The following SLCO5A1 variants were observed in gnomAD, a reference collection of about 807,000 sequenced individuals.
The protein encoded by SLCO5A1 is solute carrier organic anion transporter family member 5A1, also known as organic anion transporter polypeptide-related protein 4.
In SLCO5A1, 39 loss-of-function variants were observed where a neutral mutation model predicts 65.1. The observed-to-expected ratio is 0.60, with a 90% CI of 0.46 to 0.78. The LOEUF (loss-of-function observed/expected upper bound fraction) is 0.78. Ranked by LOEUF, SLCO5A1 falls within the 30% of genes least tolerant of loss-of-function variation. The probability of loss-of-function intolerance (pLI) is 0.00; values close to 1 mark genes in which losing one functional copy is unlikely to be tolerated. For synonymous variants in SLCO5A1, 438 were observed against 415.7 expected, an observed-to-expected ratio of 1.05 and a Z score of -0.65; for missense variants, 1,029 against 1,069.4, an observed-to-expected ratio of 0.96 and a Z score of 0.53.
At chr8:69,825,341 C>T (rs1221558962) in intron 2 of SLCO5A1, among the ~76,000 whole-genome samples, 1 of 152,166 alleles carries the variant, frequency 6.6e-6, no homozygotes, top group Non-Finnish European at 1.5e-5. Context: ...GTCAAATTGT[C>T]CCTGTTTGCA....
intron 9 of SLCO5A1, among the ~76,000 whole-genome samples, chr8:69,675,403 C>T (rs1284955372): frequency 1.3e-5 from 2 of 152,082 alleles, no homozygotes; most frequent in African/African-American, 4.8e-5. Context: ...TCTCGAACTC[C>T]TGACCTCAGG....
chr8:69,784,838 A>AG (rs1818951077), intron 2 of SLCO5A1, among the ~76,000 whole-genome samples: 1 of 147,954 alleles, frequency 6.8e-6, no homozygotes, highest in Non-Finnish European at 1.5e-5. Flanking sequence ...AAAGAAAGAA[A>AG]GAAAGAAAGA....
At chr8:69,806,030 T>C (rs1819976287) in intron 2 of SLCO5A1, among the ~76,000 whole-genome samples, 1 of 152,186 alleles carries the variant, frequency 6.6e-6, no homozygotes. Flanking sequence ...AGATTCTAGA[T>C]TCTAGAGCCT....
At chr8:69,823,359 G>A (rs1231694458) in intron 2 of SLCO5A1, among the ~76,000 whole-genome samples, 2 of 152,170 alleles carry the variant, frequency 1.3e-5, no homozygotes. Flanking sequence ...CCATCAGTGT[G>A]CTGTATTCAG....
intron 5 of SLCO5A1, among the ~76,000 whole-genome samples, chr8:69,705,700 A>C (rs543913990): frequency 6.6e-6 from 1 of 152,382 alleles, no homozygotes; most frequent in South Asian, 2.1e-4. Flanking sequence ...ATAAATATGT[A>C]CGAATGTAAT....
chr8:69,683,552 G>A lies in SLCO5A1; in HGVS notation c.1623-1209C>T, dbSNP rs573802285. On this transcript the variant is annotated intron_variant, in intron 6 of 9. Coordinates refer to ENST00000260126, the MANE Select transcript of SLCO5A1 (RefSeq NM_030958.3). ...TTCTCGCCCCTCAACTCCCTCCCTCGCCACCAAGACTTATCTTTTTTTTTT... is the reference window on the plus strand; with the variant it reads ...TTCTCGCCCCTCAACTCCCTCCCTCACCACCAAGACTTATCTTTTTTTTTT... Among the ~76,000 whole-genome samples, 30 of 146,278 alleles carry A rather than the reference G, an allele frequency of 2.1e-4. 1 individual carries two copies. Among genetic ancestry groups the A allele is most frequent in the Admixed American group, 4.8e-4 (7 of 14,530 alleles).
In SLCO5A1 at chr8:69,681,354, A is replaced by G. The variant is rs148299356; in HGVS notation, c.1782+830T>C. 6.0e-3 allele frequency among the ~76,000 whole-genome samples: 907 copies of G among 152,226 alleles called. 15 individuals are homozygous for G. Among genetic ancestry groups the G allele is most frequent in the African/African-American group, 0.021 (868 of 41,552 alleles). On this transcript the variant is annotated intron_variant, in intron 7 of 9. Transcript: ENST00000260126. ...CACACCTGTAATCCCAGCACTTTGG[A>G]AGGCCAAGGCAGGCAGATCACCTGA...
chr8:69,697,554 T>TG (rs1406172934), intron 6 of SLCO5A1, among the ~76,000 whole-genome samples: 2 of 151,382 alleles, frequency 1.3e-5, no homozygotes, highest in Non-Finnish European at 1.5e-5. Context: ...TAATCAAGAG[T>TG]GGGGGGACAG....
rs140521731 is a variant in SLCO5A1 at position 69,696,381 on chromosome 8, A to C, written c.1622+8650T>G. Among the ~76,000 whole-genome samples the C allele has an allele frequency of 2.0e-5, 3 of 152,300 alleles. No individual in the cohort carries two copies. The East Asian group carries it at 5.8e-4, about 29-fold the overall frequency. On this transcript the variant is annotated intron_variant, in intron 6 of 9. Transcript: ENST00000260126. ...AGCCAGCCTGCCCGATCGAATCTCC[A>C]TGGGTTCTGAGCTCAAAGTGAGCAG...
At chr8:69,773,657 C>T (rs1051700885) in intron 2 of SLCO5A1, among the ~76,000 whole-genome samples, 4 of 152,202 alleles carry the variant, frequency 2.6e-5, no homozygotes, top group Non-Finnish European at 4.4e-5. Context: ...TTTCTTTCTG[C>T]TTATTGAATT....
intron 2 of SLCO5A1, among the ~76,000 whole-genome samples, chr8:69,824,205 C>A (rs1306602916): frequency 1.3e-5 from 2 of 151,842 alleles, no homozygotes; most frequent in Non-Finnish European, 2.9e-5. Context: ...CCTAACATCA[C>A]AATTAAAAGA....
At chr8:69,690,124 G>C (rs1586687059) in intron 6 of SLCO5A1, among the ~76,000 whole-genome samples, 1 of 152,236 alleles carries the variant, frequency 6.6e-6, no homozygotes, top group Non-Finnish European at 1.5e-5. Context: ...CTAGAGTCAA[G>C]CTCAACAGGG....
chr8:69,768,172 G>A (rs952944288), intron 2 of SLCO5A1, among the ~76,000 whole-genome samples: 1 of 152,154 alleles, frequency 6.6e-6, no homozygotes, highest in South Asian at 2.1e-4. Flanking sequence ...GGTCAAGGCT[G>A]CATGAGTCAT....
At chr8:69,754,725 A>G (rs1157137408) in intron 4 of SLCO5A1, among the ~76,000 whole-genome samples, 2 of 152,244 alleles carry the variant, frequency 1.3e-5, no homozygotes, top group Non-Finnish European at 2.9e-5. Context: ...TGTTTAGGTT[A>G]TAGATTGCCT....
At position 69,738,116 on chromosome 8, in the gene SLCO5A1, A is replaced by G. The variant is rs888574398; in HGVS notation, c.1347T>C (p.Thr449=). 1.2e-6 allele frequency: 2 copies of G among 1,613,912 alleles called. No homozygotes were observed. Among genetic ancestry groups the G allele is most frequent in the Admixed American group, 3.3e-5 (2 of 59,970 alleles). The change falls in exon 5 of 10, where the codon ACT becomes ACC. Residue 449 remains threonine (T), a synonymous_variant. Transcript: ENST00000260126. The part of the protein sequence containing the change: ...LSYTAESAIV[T]AFITFIPKFI... ...ACTTGGGAATGAAGGTAATGAAAGC[A>G]GTTACAATGGCACTCTCAGCTGTGT...
In SLCO5A1 at chr8:69,832,487, A is replaced by T. The variant is rs1821212530; in HGVS notation, c.187T>A (p.Cys63Ser). The part of the protein sequence containing the change: ...TSGDANPAFG[C>S]VDSSGHQELK... ...TCCTGGTGGCCCGAAGAATCCACAC[A>T]GCCAAAGGCCGGGTTGGCGTCTCCA... The change falls in exon 2 of 10, where the codon TGT (cysteine) becomes AGT (serine). Residue 63 changes from cysteine to serine, a missense_variant. Cys to Ser is a moderately radical substitution (Grantham distance 112). This residue lies in a region of SLCO5A1 where 647 missense variants were observed against 647.5 expected (regional missense o/e 1.00). Coordinates refer to ENST00000260126, the MANE Select transcript of SLCO5A1 (RefSeq NM_030958.3). The surrounding 1 kb of genome is among the most constrained non-coding windows in gnomAD (Gnocchi z 4.5). The T allele has an allele frequency of 6.2e-7, 1 of 1,611,488 alleles. No homozygotes were observed. The highest frequency in any genetic ancestry group is 2.2e-5 in the East Asian group (1 of 44,866).
chr8:69,744,679 T>G (rs1006992651), intron 4 of SLCO5A1, among the ~76,000 whole-genome samples: 1 of 152,224 alleles, frequency 6.6e-6, no homozygotes, highest in African/African-American at 2.4e-5. Flanking sequence ...ACTCAAAAAA[T>G]ATACTTGGAA....
At chr8:69,746,151 G>T (rs1817019657) in intron 4 of SLCO5A1, among the ~76,000 whole-genome samples, 1 of 151,910 alleles carries the variant, frequency 6.6e-6, no homozygotes, top group African/African-American at 2.4e-5. Context: ...TGAGGGCAAG[G>T]TCTGTAACTT....
chr8:69,775,668 T>A (rs1381996509), intron 2 of SLCO5A1, among the ~76,000 whole-genome samples: 1 of 152,078 alleles, frequency 6.6e-6, no homozygotes, highest in African/African-American at 2.4e-5. Flanking sequence ...ATGGGACTTA[T>A]CAAAACATAA....
Sources: allele counts gnomAD v4.1 joint callset (sites outside exome capture counted in the v4.1 genomes callset), GRCh38; gene constraint gnomAD v4.1.1; regional missense constraint gnomAD v4.1.1; non-coding constraint Gnocchi (gnomAD v3.1); transcripts MANE v1.5; gene names NCBI Gene and HGNC (gene_info 2026-07-23, HGNC 2026-07-21).